The following ANO2 variants were observed in gnomAD, a reference collection of about 807,000 sequenced individuals.
The protein encoded by ANO2 is anoctamin-2.
A neutral mutation model predicts 124.2 loss-of-function variants in ANO2; 101 were observed. The ratio of observed to expected loss-of-function variants is 0.81; its 90% CI spans 0.69 to 0.96. The LOEUF is 0.96. Ranked by LOEUF, ANO2 falls within the 40% of genes least tolerant of loss-of-function variation. ANO2 has a pLI of 0.00. For synonymous variants in ANO2, 486 were observed against 482.5 expected (o/e 1.01, Z -0.09); for missense variants, 1,293 against 1,274.5 (o/e 1.01, Z -0.22).
chr12:5,613,394 C>T (rs1250353628), intron 17 of ANO2, among the ~76,000 whole-genome samples: 1 of 152,084 alleles, frequency 6.6e-6, no homozygotes, highest in East Asian at 1.9e-4. Context: ...ACTAAAGTTG[C>T]GAATAGAGAT....
chr12:5,646,266 C>T (rs1402308143), intron 15 of ANO2, among the ~76,000 whole-genome samples: 1 of 152,142 alleles, frequency 6.6e-6, no homozygotes, highest in Admixed American at 6.5e-5. Flanking sequence ...TCTTTGGTTC[C>T]CATTTTCCTT....
chr12:5,864,073 C>T (rs1247642852), intron 3 of ANO2, among the ~76,000 whole-genome samples: 2 of 152,116 alleles, frequency 1.3e-5, no homozygotes, highest in Non-Finnish European at 2.9e-5. Flanking sequence ...TACCCATGTT[C>T]CTAGGGCCAA....
At chr12:5,764,023 G>A (rs964942039) in intron 10 of ANO2, among the ~76,000 whole-genome samples, 1 of 152,156 alleles carries the variant, frequency 6.6e-6, no homozygotes, top group African/African-American at 2.4e-5. Flanking sequence ...CTTTTCATGG[G>A]CTCATCTTAT....
intron 14 of ANO2, among the ~76,000 whole-genome samples, chr12:5,677,173 A>G (rs17787981): frequency 0.17 from 25,509 of 152,056 alleles, 2,422 homozygotes; most frequent in Admixed American, 0.26. Context: ...CATGATTCAC[A>G]TCTGGAACAG....
At chr12:5,843,664 A>ACT (rs373663828) in intron 4 of ANO2, among the ~76,000 whole-genome samples, 10,543 of 152,152 alleles carry the variant, frequency 0.069, 544 homozygotes, top group African/African-American at 0.15. Context: ...TAAAGGAAGG[A>ACT]GTTGGTCAGG....
chr12:5,622,985 CGAAAAGAAAGGAA>C (rs1945201392), intron 16 of ANO2, among the ~76,000 whole-genome samples: 1 of 141,562 alleles, frequency 7.1e-6, no homozygotes, highest in Non-Finnish European at 1.5e-5. Context: ...AAAAAAGAAA[CGAAAAGAAAGGAA>C]GGAAAGAAAT....
intron 15 of ANO2, among the ~76,000 whole-genome samples, chr12:5,645,752 C>G (rs1260436312): frequency 6.6e-6 from 1 of 152,008 alleles, no homozygotes; most frequent in Non-Finnish European, 1.5e-5. Flanking sequence ...CTTTATTGCC[C>G]TTGAAAAATT....
chr12:5,812,833 AAGAAGGAAGGAAGGAGAAGGAC>A (rs1211604830), intron 7 of ANO2, among the ~76,000 whole-genome samples: 5 of 144,088 alleles, frequency 3.5e-5, no homozygotes, highest in East Asian at 2.2e-4. Flanking sequence ...GGAGGAAGGA[AAGAAGGAAGGAAGGAGAAGGAC>A]AGAAGGAAGG....
At chr12:5,834,805 G>C (rs748853262) in intron 4 of ANO2, among the ~76,000 whole-genome samples, 1 of 152,076 alleles carries the variant, frequency 6.6e-6, no homozygotes, top group Admixed American at 6.6e-5. Flanking sequence ...TCTCCAAAAG[G>C]AACCTCACTT....
chr12:5,806,009 C>T (rs1476740397), intron 9 of ANO2, 43 bp downstream of exon 9: 1 of 1,601,694 alleles, frequency 6.2e-7, no homozygotes, highest in Admixed American at 1.7e-5. Flanking sequence ...CACCCGTAGT[C>T]TCGCATGCCC....
At chr12:5,567,256 C>G (rs760736538) in intron 23 of ANO2, among the ~76,000 whole-genome samples, 1 of 152,154 alleles carries the variant, frequency 6.6e-6, no homozygotes, top group Non-Finnish European at 1.5e-5. Flanking sequence ...CAGAGCACCA[C>G]GGGATTCATC....
intron 10 of ANO2, among the ~76,000 whole-genome samples, chr12:5,753,612 C>T (rs1383212221): frequency 6.6e-6 from 1 of 152,160 alleles, no homozygotes; most frequent in African/African-American, 2.4e-5. Flanking sequence ...CTTTCACCCT[C>T]TTAGTTAAAC....
At chr12:5,692,566 A>G (rs1380482914) in intron 14 of ANO2, among the ~76,000 whole-genome samples, 1 of 152,152 alleles carries the variant, frequency 6.6e-6, no homozygotes, top group African/African-American at 2.4e-5. Flanking sequence ...GTCTTGTCTT[A>G]GGCCATATTC....
intron 14 of ANO2, among the ~76,000 whole-genome samples, chr12:5,714,801 C>T (rs1949956083): frequency 6.6e-6 from 1 of 152,178 alleles, no homozygotes; most frequent in African/African-American, 2.4e-5. Context: ...ATGTGCAGAG[C>T]CACCGTCCTA....
chr12:5,825,300 C>T (rs1415870013), intron 7 of ANO2, among the ~76,000 whole-genome samples: 1 of 152,160 alleles, frequency 6.6e-6, no homozygotes, highest in African/African-American at 2.4e-5. Flanking sequence ...AACTAGGTGA[C>T]AATACTTTGC....
At chr12:5,910,619 T>G (rs1940991416) in intron 3 of ANO2, among the ~76,000 whole-genome samples, 1 of 152,188 alleles carries the variant, frequency 6.6e-6, no homozygotes, top group African/African-American at 2.4e-5. Context: ...CATTCAAGTT[T>G]GTGGATTCTA....
chr12:5,822,229 G>C (rs1052764332), intron 7 of ANO2, among the ~76,000 whole-genome samples: 1 of 152,220 alleles, frequency 6.6e-6, no homozygotes, highest in African/African-American at 2.4e-5. Flanking sequence ...TGGTTTGGTT[G>C]GATGGTCAGG....
chr12:5,619,189 T>C (rs879773183), intron 16 of ANO2, among the ~76,000 whole-genome samples: 56 of 152,306 alleles, frequency 3.7e-4, no homozygotes, highest in Non-Finnish European at 6.0e-4. Context: ...GGTCTCTGTA[T>C]GGGGACTAAG....
chr12:5,828,032 A>G (rs1260461789), intron 6 of ANO2, among the ~76,000 whole-genome samples: 1 of 152,184 alleles, frequency 6.6e-6, no homozygotes, highest in African/African-American at 2.4e-5. Flanking sequence ...GCCCGCGCAC[A>G]CATCCCCCGC....
Sources: allele counts gnomAD v4.1 joint callset (sites outside exome capture counted in the v4.1 genomes callset), GRCh38; gene constraint gnomAD v4.1.1; transcripts MANE v1.5; gene names NCBI Gene and HGNC (gene_info 2026-07-23, HGNC 2026-07-21).